The following GALNT13 variants were observed in gnomAD, a reference collection of about 807,000 sequenced individuals.
The protein encoded by GALNT13 is polypeptide N-acetylgalactosaminyltransferase 13.
Under a neutral mutation model 64.2 loss-of-function variants are expected in GALNT13, and 28 were observed. The ratio of observed to expected loss-of-function variants is 0.44; its 90% CI spans 0.32 to 0.60. The LOEUF is 0.60. GALNT13 is among the 20% of genes least tolerant of loss of function. GALNT13 has a pLI of 0.05. For synonymous variants in GALNT13, 214 were observed against 224.6 expected (o/e 0.95, Z 0.42); for missense variants, 577 against 669.8 (o/e 0.86, Z 1.53).
At chr2:154,259,667 A>C (rs1052933823) in intron 8 of GALNT13, among the ~76,000 whole-genome samples, 6 of 152,214 alleles carry the variant, frequency 3.9e-5, no homozygotes, top group Admixed American at 6.5e-5. Flanking sequence ...GTAAATAAAA[A>C]TTGAGGAATA....
the GALNT13 span, among the ~76,000 whole-genome samples, chr2:153,326,463 T>C: frequency 1.3e-5 from 2 of 152,198 alleles, no homozygotes; most frequent in African/African-American, 2.4e-5. Flanking sequence ...TGTCTTTTAA[T>C]TGGAGCATTT....
chr2:154,393,469 T>TG (rs1429556798), intron 9 of GALNT13, among the ~76,000 whole-genome samples: 2 of 152,162 alleles, frequency 1.3e-5, no homozygotes, highest in Admixed American at 1.3e-4. Flanking sequence ...GAGGAGTACA[T>TG]GGAGTGTTTG....
At chr2:153,779,288 A>T in the GALNT13 span, among the ~76,000 whole-genome samples, 1 of 152,188 alleles carries the variant, frequency 6.6e-6, no homozygotes, top group African/African-American at 2.4e-5. Flanking sequence ...GATGCTAGTA[A>T]GTAATTAAAG....
intron 3 of GALNT13, among the ~76,000 whole-genome samples, chr2:154,039,206 C>T (rs1698838562): frequency 6.6e-6 from 1 of 151,968 alleles, no homozygotes; most frequent in South Asian, 2.1e-4. Context: ...ATGGAAGTTC[C>T]TCAAAAAAAC....
At chr2:153,607,760 T>C in the GALNT13 span, among the ~76,000 whole-genome samples, 1 of 152,124 alleles carries the variant, frequency 6.6e-6, no homozygotes, top group African/African-American at 2.4e-5. Flanking sequence ...ATATTTTTAG[T>C]GAGAAGAGGT....
chr2:153,394,313 T>C, the GALNT13 span, among the ~76,000 whole-genome samples: 1 of 152,120 alleles, frequency 6.6e-6, no homozygotes. Context: ...TACTTCTAAA[T>C]TTACCTTTTA....
intron 2 of GALNT13, among the ~76,000 whole-genome samples, chr2:153,929,118 T>C (rs758035182): frequency 1.3e-5 from 2 of 152,190 alleles, no homozygotes; most frequent in Non-Finnish European, 2.9e-5. Flanking sequence ...TCCTGGATCC[T>C]AAGACAAAAG....
At chr2:153,257,050 C>A in the GALNT13 span, among the ~76,000 whole-genome samples, 107 of 152,238 alleles carry the variant, frequency 7.0e-4, 1 homozygote, top group African/African-American at 2.4e-3. Context: ...CCTCCGCCAG[C>A]CTCGCTGCCG....
intron 3 of GALNT13, among the ~76,000 whole-genome samples, chr2:154,005,727 G>C (rs981371): frequency 0.71 from 108,261 of 151,750 alleles, 38,894 homozygotes; most frequent in East Asian, 0.96. Flanking sequence ...TTTTTTTTGT[G>C]GTTAAAATAA....
intron 4 of GALNT13, among the ~76,000 whole-genome samples, chr2:154,239,090 A>G (rs1010330106): frequency 2.0e-5 from 3 of 152,156 alleles, no homozygotes; most frequent in Non-Finnish European, 2.9e-5. Context: ...CTAAGTAAAC[A>G]TGATAGCTAC....
At chr2:153,082,461 G>C in the GALNT13 span, among the ~76,000 whole-genome samples, 10 of 150,404 alleles carry the variant, frequency 6.6e-5, no homozygotes, top group African/African-American at 2.5e-4. Flanking sequence ...CTCCATCCAG[G>C]TTGCTGTGAA....
At chr2:154,056,633 T>C (rs948247889) in intron 3 of GALNT13, among the ~76,000 whole-genome samples, 2 of 152,162 alleles carry the variant, frequency 1.3e-5, no homozygotes, top group African/African-American at 4.8e-5. Flanking sequence ...ATAGCTGATA[T>C]TGATAACAAC....
chr2:153,191,751 G>T, the GALNT13 span, among the ~76,000 whole-genome samples: 1 of 151,414 alleles, frequency 6.6e-6, no homozygotes, highest in Admixed American at 6.6e-5. Flanking sequence ...CTTGTTATTG[G>T]TTGTTCCGGT....
In GALNT13 at chr2:154,438,582, A is replaced by G. The variant is rs750035809; in HGVS notation, c.1396-10A>G. ...TACATTTTTTTTATTAGCTGAATTT[A>G]TATTTTCAGGTATTTTCTTACACTG... On this transcript the variant is annotated splice_polypyrimidine_tract_variant and intron_variant, in intron 11 of 12. Coordinates refer to ENST00000392825, the MANE Select transcript of GALNT13 (RefSeq NM_052917.4). The G allele has an allele frequency of 1.2e-6, 2 of 1,602,188 alleles. No homozygotes were observed. Among genetic ancestry groups the G allele is most frequent in the South Asian group, 1.1e-5 (1 of 90,392 alleles).
At chr2:154,267,256 G>A (rs1691062511) in intron 8 of GALNT13, among the ~76,000 whole-genome samples, 1 of 152,114 alleles carries the variant, frequency 6.6e-6, no homozygotes, top group South Asian at 2.1e-4. Context: ...TGTAACCATT[G>A]ATTAGACAAA....
chr2:153,275,093 C>A, the GALNT13 span, among the ~76,000 whole-genome samples: 2 of 152,134 alleles, frequency 1.3e-5, no homozygotes, highest in Non-Finnish European at 2.9e-5. Flanking sequence ...TAAAAATTAA[C>A]CTTTCCCTGT....
chr2:153,662,237 G>A, the GALNT13 span, among the ~76,000 whole-genome samples: 2 of 152,108 alleles, frequency 1.3e-5, no homozygotes, highest in African/African-American at 4.8e-5. Context: ...TCCAAATTGG[G>A]ATAACTCTAA....
chr2:153,887,698 C>T (rs752622214), intron 1 of GALNT13, among the ~76,000 whole-genome samples: 4 of 151,952 alleles, frequency 2.6e-5, no homozygotes, highest in South Asian at 2.1e-4. Context: ...CCAACATCAC[C>T]GCTGATTTTT....
At chr2:153,494,420 CAATAT>C in the GALNT13 span, among the ~76,000 whole-genome samples, 15 of 151,952 alleles carry the variant, frequency 9.9e-5, no homozygotes, top group African/African-American at 3.4e-4. Flanking sequence ...ATATAAAGGT[CAATAT>C]AATAGAATAG....
Sources: allele counts gnomAD v4.1 joint callset (sites outside exome capture counted in the v4.1 genomes callset), GRCh38; gene constraint gnomAD v4.1.1; transcripts MANE v1.5; gene names NCBI Gene and HGNC (gene_info 2026-07-23, HGNC 2026-07-21).